Variants in TANGO6 observed in about 807,000 individuals in gnomAD.
The protein encoded by TANGO6 is transport and Golgi organization protein 6 homolog.
In TANGO6, 90 loss-of-function variants were observed where a neutral mutation model predicts 114.2. That is an observed-to-expected ratio of 0.79 (90% CI 0.66 to 0.94). The LOEUF (loss-of-function observed/expected upper bound fraction) is 0.94. TANGO6 is among the 40% of genes least tolerant of loss of function. The pLI, the probability that TANGO6 is intolerant of heterozygous loss-of-function variation, is 0.00. For synonymous variants in TANGO6, 477 were observed against 509.8 expected (o/e 0.94, Z 0.87); for missense variants, 1,274 against 1,315.3 (o/e 0.97, Z 0.49).
intron 4 of TANGO6, among the ~76,000 whole-genome samples, chr16:68,873,042 G>T (rs978238487): frequency 2.0e-5 from 3 of 151,680 alleles, no homozygotes; most frequent in Non-Finnish European, 2.9e-5. Context: ...AGTTTGGGGT[G>T]TTTAGTATAT....
chr16:68,983,374 A>AT (rs146667039), intron 15 of TANGO6, among the ~76,000 whole-genome samples: 2,864 of 149,814 alleles, frequency 0.019, 97 homozygotes, highest in African/African-American at 0.065. Flanking sequence ...GAAAACACTT[A>AT]TTTTTTTTTT....
Position 69,083,760 on chromosome 16 carries a change from C to A in TANGO6, c.*99C>A. 1 of 1,353,348 alleles carries A rather than the reference C, an allele frequency of 7.4e-7. No individual in the cohort carries two copies. The highest frequency in any genetic ancestry group is 9.9e-7 in the Non-Finnish European group (1 of 1,005,650). The allele number at this position is 1,353,348 out of a possible 1,614,324, so 83.8% of individuals were successfully genotyped here. A position where few individuals can be genotyped will look rare whatever the true frequency, so the allele number is the denominator to read the frequency against. Reference sequence around the variant, plus strand: ...GGCCCTGCTGCCTCTTGAGTGCTGGCAGCATGGCTGACCCTCGGGGTGGTT... The same window carrying A: ...GGCCCTGCTGCCTCTTGAGTGCTGGAAGCATGGCTGACCCTCGGGGTGGTT... On this transcript the variant is annotated 3_prime_UTR_variant, in exon 18 of 18. Transcript: ENST00000261778.
chr16:68,980,409 C>CTCTCTCTCTCTCTCTATATATATA (rs1408626276), intron 15 of TANGO6, among the ~76,000 whole-genome samples: 1 of 68,006 alleles, frequency 1.5e-5, no homozygotes. Context: ...CTCTCTCTCT[C>CTCTCTCTCTCTCTCTATATATATA]TATATATATA....
intron 16 of TANGO6, among the ~76,000 whole-genome samples, chr16:69,036,473 T>C (rs1959688516): frequency 1.3e-5 from 2 of 152,172 alleles, no homozygotes; most frequent in African/African-American, 4.8e-5. Context: ...TTGAGGAAGT[T>C]TCCCAAATGC....
intron 13 of TANGO6, among the ~76,000 whole-genome samples, chr16:68,928,909 T>TTTTTG (rs1963205105): frequency 6.6e-6 from 1 of 152,072 alleles, no homozygotes; most frequent in East Asian, 1.9e-4. Context: ...AAATAGCTGT[T>TTTTTG]TTTTGTTTTG....
chr16:68,894,710 A>T (rs926291497), intron 7 of TANGO6, among the ~76,000 whole-genome samples: 1 of 151,920 alleles, frequency 6.6e-6, no homozygotes, highest in Non-Finnish European at 1.5e-5. Flanking sequence ...GTGTTTGGGG[A>T]TTTTTAATAT....
intron 14 of TANGO6, among the ~76,000 whole-genome samples, chr16:68,948,592 G>C (rs1963439852): frequency 6.6e-6 from 1 of 152,144 alleles, no homozygotes; most frequent in African/African-American, 2.4e-5. Flanking sequence ...GTGGTCTTAA[G>C]TATAGGAGAA....
chr16:69,010,649 A>C (rs1000113534), intron 15 of TANGO6, among the ~76,000 whole-genome samples: 1 of 152,144 alleles, frequency 6.6e-6, no homozygotes, highest in African/African-American at 2.4e-5. Flanking sequence ...GATTAGGTTT[A>C]AGTGCTCCCT....
intron 7 of TANGO6, among the ~76,000 whole-genome samples, chr16:68,897,856 G>T (rs147829712): frequency 6.6e-6 from 1 of 152,138 alleles, no homozygotes; most frequent in Non-Finnish European, 1.5e-5. Flanking sequence ...GGGATTATAG[G>T]TGTGAGCCAC....
chr16:69,046,385 T>C (rs951561515), intron 17 of TANGO6, among the ~76,000 whole-genome samples: 2 of 151,732 alleles, frequency 1.3e-5, no homozygotes, highest in Non-Finnish European at 2.9e-5. Flanking sequence ...AGTGGCACGA[T>C]CTCGGCTCAC....
At chr16:68,983,418 A>G (rs1286669812) in intron 15 of TANGO6, among the ~76,000 whole-genome samples, 1 of 152,034 alleles carries the variant, frequency 6.6e-6, no homozygotes, top group African/African-American at 2.4e-5. Context: ...AATGTAGTCC[A>G]GTTCAGAAAC....
intron 17 of TANGO6, among the ~76,000 whole-genome samples, chr16:69,066,477 A>G (rs1019719745): frequency 2.0e-5 from 3 of 151,656 alleles, no homozygotes; most frequent in African/African-American, 7.3e-5. Context: ...TTGTATTTTT[A>G]GTAGAGACAG....
chr16:69,042,665 A>G (rs1015365789), intron 17 of TANGO6, among the ~76,000 whole-genome samples: 3 of 152,332 alleles, frequency 2.0e-5, no homozygotes, highest in Non-Finnish European at 4.4e-5. Flanking sequence ...GGGGACATAT[A>G]GATCATAGCT....
chr16:68,985,334 A>G (rs1963879406), intron 15 of TANGO6, among the ~76,000 whole-genome samples: 1 of 152,208 alleles, frequency 6.6e-6, no homozygotes, highest in Non-Finnish European at 1.5e-5. Flanking sequence ...ATTCTTACAT[A>G]TAACTCCTTT....
At chr16:69,067,535 A>AAAAAAAAAAAAAG (rs1960233745) in intron 17 of TANGO6, among the ~76,000 whole-genome samples, 1 of 147,174 alleles carries the variant, frequency 6.8e-6, no homozygotes, top group Non-Finnish European at 1.5e-5. Context: ...AAAAAAAAAA[A>AAAAAAAAAAAAAG]AACGCTGGGC....
intron 14 of TANGO6, among the ~76,000 whole-genome samples, chr16:68,953,050 T>A (rs182070590): frequency 7.2e-4 from 100 of 139,210 alleles, no homozygotes; most frequent in African/African-American, 1.4e-3. Flanking sequence ...ACAGGTATTT[T>A]TTATTATTAT....
chr16:68,905,278 G>A (rs964319696), intron 9 of TANGO6, among the ~76,000 whole-genome samples: 1 of 151,928 alleles, frequency 6.6e-6, no homozygotes, highest in Admixed American at 6.6e-5. Flanking sequence ...GCTCACGCCT[G>A]TAATCACAGC....
At chr16:68,857,309 G>T (rs1962011480) in intron 1 of TANGO6, among the ~76,000 whole-genome samples, 1 of 151,776 alleles carries the variant, frequency 6.6e-6, no homozygotes, top group South Asian at 2.1e-4. Flanking sequence ...GGTCCTCCAT[G>T]TCTTTTGTGG....
chr16:68,865,047 G>A (rs1385778506), intron 3 of TANGO6, among the ~76,000 whole-genome samples: 1 of 152,046 alleles, frequency 6.6e-6, no homozygotes, highest in Non-Finnish European at 1.5e-5. Flanking sequence ...GGAGGCCGAG[G>A]CGGGTGGATC....
Sources: gnomAD v4.1 joint callset for allele counts (sites outside exome capture counted in the v4.1 genomes callset) on GRCh38, gnomAD v4.1.1 for gene constraint, MANE v1.5 for transcripts, NCBI Gene and HGNC (gene_info 2026-07-23, HGNC 2026-07-21) for gene names.